ZMYM2: variants seen among roughly 807,000 people sequenced by gnomAD.
The protein encoded by ZMYM2 is zinc finger MYM-type containing 2, also known as zinc finger MYM-type protein 2.
ZMYM2 carries 56 observed loss-of-function variants against 162.8 expected under a neutral mutation model. That is an observed-to-expected ratio of 0.34 (90% CI 0.28 to 0.43). The LOEUF is 0.43. Among genes scored for constraint, ZMYM2 ranks in the 20% least tolerant of loss-of-function variants. The pLI, the probability that ZMYM2 is intolerant of heterozygous loss-of-function variation, is 1.00. For synonymous variants in ZMYM2, 510 were observed against 541.6 expected (o/e 0.94, Z 0.81); for missense variants, 1,275 against 1,621.8 (o/e 0.79, Z 3.67).
At chr13:19,883,518 G>A in the ZMYM2 span, among the ~76,000 whole-genome samples, 1 of 150,332 alleles carries the variant, frequency 6.7e-6, no homozygotes, top group Non-Finnish European at 1.5e-5. Context: ...CACATTCATA[G>A]TTGTGAGATG....
chr13:19,867,560 C>CT, the ZMYM2 span, among the ~76,000 whole-genome samples: 2 of 151,754 alleles, frequency 1.3e-5, no homozygotes, highest in African/African-American at 4.8e-5. Context: ...GGAACAGAAT[C>CT]TAAGATTGAA....
the ZMYM2 span, among the ~76,000 whole-genome samples, chr13:19,916,989 G>A: frequency 6.6e-6 from 1 of 152,138 alleles, no homozygotes; most frequent in Non-Finnish European, 1.5e-5. Flanking sequence ...TTGAGACGGA[G>A]TCTCGCTCTG....
the ZMYM2 span, among the ~76,000 whole-genome samples, chr13:19,889,271 T>C: frequency 2.6e-5 from 4 of 152,142 alleles, no homozygotes; most frequent in African/African-American, 9.7e-5. Context: ...ATTGGCCATC[T>C]GAGTGTCCCA....
At chr13:19,913,127 T>C in the ZMYM2 span, among the ~76,000 whole-genome samples, 2 of 152,178 alleles carry the variant, frequency 1.3e-5, no homozygotes, top group Non-Finnish European at 2.9e-5. Context: ...GACAGGGATG[T>C]TATCTGGAGC....
chr13:19,955,596 C>G (rs961790776), upstream of ZMYM2, among the ~76,000 whole-genome samples: 2 of 152,156 alleles, frequency 1.3e-5, no homozygotes, highest in African/African-American at 4.8e-5. Flanking sequence ...TTTTATATCA[C>G]TTTCACAGAA....
At chr13:20,002,749 A>G in intron 3 of ZMYM2, 101 bp from the exon 4 acceptor site, 2 of 1,440,850 alleles carry the variant, frequency 1.4e-6, no homozygotes, top group Non-Finnish European at 1.9e-6. Flanking sequence ...AACATCTTAA[A>G]ATTGTACAAA....
intron 6 of ZMYM2, among the ~76,000 whole-genome samples, chr13:20,012,690 C>G (rs1844585922): frequency 6.6e-6 from 1 of 152,056 alleles, no homozygotes; most frequent in Non-Finnish European, 1.5e-5. Context: ...TTGTTTTGTA[C>G]TGGAATTCCA....
At chr13:19,934,803 G>A in the ZMYM2 span, among the ~76,000 whole-genome samples, 1 of 141,504 alleles carries the variant, frequency 7.1e-6, no homozygotes, top group Non-Finnish European at 1.5e-5. Context: ...GTCTCTCTCT[G>A]TTGCCCACGC....
chr13:19,965,600 G>A (rs1283574438), intron 2 of ZMYM2, among the ~76,000 whole-genome samples: 1 of 152,124 alleles, frequency 6.6e-6, no homozygotes, highest in Non-Finnish European at 1.5e-5. Context: ...AGTGAATTGT[G>A]TTTCTAGTTC....
chr13:19,906,284 G>GTATATATATATATATATATATATATA, the ZMYM2 span, among the ~76,000 whole-genome samples: 1 of 63,792 alleles, frequency 1.6e-5, no homozygotes, highest in Non-Finnish European at 2.8e-5. Flanking sequence ...TCAAAAAAAA[G>GTATATATATATATATATATATATATA]TATATATATA....
At chr13:20,010,371 A>AT (rs761787884) in intron 6 of ZMYM2, among the ~76,000 whole-genome samples, 34 of 151,146 alleles carry the variant, frequency 2.2e-4, no homozygotes, top group Middle Eastern at 6.8e-3. Flanking sequence ...AATTTTTTGT[A>AT]TTTTTTTGGA....
chr13:19,991,048 C>CTGTG (rs71198947), intron 2 of ZMYM2, among the ~76,000 whole-genome samples: 4 of 141,280 alleles, frequency 2.8e-5, no homozygotes, highest in Non-Finnish European at 4.7e-5. Context: ...AATTTTCTCT[C>CTGTG]TGTGTGTGTG....
At chr13:19,924,293 G>A in the ZMYM2 span, among the ~76,000 whole-genome samples, 3 of 152,118 alleles carry the variant, frequency 2.0e-5, no homozygotes, top group Non-Finnish European at 2.9e-5. Flanking sequence ...GGCCAGGCAC[G>A]GTGGCTCACG....
At chr13:20,050,012 A>G (rs1399872956) in intron 12 of ZMYM2, among the ~76,000 whole-genome samples, 1 of 152,006 alleles carries the variant, frequency 6.6e-6, no homozygotes, top group Non-Finnish European at 1.5e-5. Flanking sequence ...GTGAGAATTT[A>G]ACAAAGGGAC....
intron 2 of ZMYM2, among the ~76,000 whole-genome samples, chr13:19,966,153 A>G (rs1955754920): frequency 7.2e-6 from 1 of 139,544 alleles, no homozygotes; most frequent in African/African-American, 2.9e-5. Flanking sequence ...TTTTGTTTTG[A>G]GACAGAGTTT....
At chr13:19,910,299 T>G in the ZMYM2 span, among the ~76,000 whole-genome samples, 1 of 152,126 alleles carries the variant, frequency 6.6e-6, no homozygotes, top group Non-Finnish European at 1.5e-5. Context: ...CATTTAGTGT[T>G]GCAGCTTTGG....
chr13:19,996,204 T>C (rs1950007308), intron 3 of ZMYM2, among the ~76,000 whole-genome samples: 1 of 152,234 alleles, frequency 6.6e-6, no homozygotes, highest in Admixed American at 6.5e-5. Context: ...CAATGTAGAA[T>C]GCTATATGAA....
chr13:19,969,937 A>C, intron 2 of ZMYM2: 4 of 609,648 alleles, frequency 6.6e-6, no homozygotes, highest in East Asian at 1.4e-4. Context: ...AGTCTGTATT[A>C]GAGAAATAGA....
In ZMYM2 at chr13:20,027,183, A is replaced by G; in HGVS notation, c.1736-20A>G. The G allele has an allele frequency of 1.3e-6, 2 of 1,525,814 alleles. No homozygotes were observed. The highest frequency in any genetic ancestry group is 1.8e-4 in the Middle Eastern group (1 of 5,714). The allele number at this position is 1,525,814 out of a possible 1,614,324, so 94.5% of individuals were successfully genotyped here. A position where few individuals can be genotyped will look rare whatever the true frequency, so the allele number is the denominator to read the frequency against. On this transcript the variant is annotated intron_variant, in intron 8 of 24. Coordinates refer to ENST00000610343, the MANE Select transcript of ZMYM2 (RefSeq NM_197968.4). The stretch of plus-strand genomic sequence containing the variant: ...TTATTACTTTATAAACAAATCAGAT[A>G]TGTACCTTTTCTTTCCTAGGTTTGG...
Sources: gnomAD v4.1 joint callset for allele counts (sites outside exome capture counted in the v4.1 genomes callset) on GRCh38, gnomAD v4.1.1 for gene constraint, MANE v1.5 for transcripts, NCBI Gene and HGNC (gene_info 2026-07-23, HGNC 2026-07-21) for gene names.